ENDOD1: variants seen among roughly 807,000 people sequenced by gnomAD.
The protein encoded by ENDOD1 is endonuclease domain-containing 1 protein.
In ENDOD1, 9 loss-of-function variants were observed where a neutral mutation model predicts 6.5. The ratio of observed to expected loss-of-function variants is 1.39; its 90% CI spans 0.84 to 2.43. The LOEUF is 2.43. Among genes scored for constraint, ENDOD1 ranks in the 30% most tolerant of loss-of-function variants. ENDOD1 has a pLI of 0.00. For missense variants in ENDOD1, 648 were observed against 635.5 expected (o/e 1.02, Z -0.21); for synonymous variants, 255 against 255.2 (o/e 1.00, Z 0.01).
In ENDOD1 at chr11:95,091,697, T is replaced by G. The variant is rs1319625090; in HGVS notation, c.300+1470T>G. The stretch of plus-strand genomic sequence containing the variant: ...GATGCTAAACAAATTTCAGTTAAAT[T>G]CAGAACACATTTAGTGACTCCTGCT... On this transcript the variant is annotated intron_variant, in intron 1 of 1. Coordinates refer to ENST00000278505, the MANE Select transcript of ENDOD1 (RefSeq NM_015036.3). 6.7e-5 allele frequency among the ~76,000 whole-genome samples: 10 copies of G among 149,904 alleles called. No homozygotes were observed. In the East Asian group the frequency reaches 2.0e-3, roughly 30 times the overall value.
At chr11:95,093,016 G>A (rs1217010212) in intron 1 of ENDOD1, among the ~76,000 whole-genome samples, 1 of 152,196 alleles carries the variant, frequency 6.6e-6, no homozygotes, top group African/African-American at 2.4e-5. Context: ...CAGTGACACT[G>A]AATTCCCAAA....
chr11:95,110,648 A>G (rs1012749038), intron 1 of ENDOD1, among the ~76,000 whole-genome samples: 1 of 151,972 alleles, frequency 6.6e-6, no homozygotes, highest in African/African-American at 2.4e-5. Flanking sequence ...GTAACACATT[A>G]CAAGCCTCTC....
At chr11:95,090,925 G>T (rs1357886131) in intron 1 of ENDOD1, among the ~76,000 whole-genome samples, 6 of 152,146 alleles carry the variant, frequency 3.9e-5, no homozygotes, top group African/African-American at 1.4e-4. Context: ...ACGCAATGGG[G>T]TAGTTAAAAA....
chr11:95,102,456 G>A (rs1464595791), intron 1 of ENDOD1, among the ~76,000 whole-genome samples: 3 of 151,414 alleles, frequency 2.0e-5, no homozygotes, highest in South Asian at 2.1e-4. Context: ...TGGATCACCT[G>A]ATGTCAAGAA....
At chr11:95,096,095 A>G (rs1858980759) in intron 1 of ENDOD1, among the ~76,000 whole-genome samples, 1 of 152,190 alleles carries the variant, frequency 6.6e-6, no homozygotes, top group South Asian at 2.1e-4. Context: ...TTCTTTGGGC[A>G]TAAAATTTCT....
At chr11:95,114,093 C>T (rs917837733) in intron 1 of ENDOD1, among the ~76,000 whole-genome samples, 2 of 152,110 alleles carry the variant, frequency 1.3e-5, no homozygotes, top group African/African-American at 4.8e-5. Flanking sequence ...CTATTCAAAT[C>T]TTTTGCTCAT....
In ENDOD1 at chr11:95,097,010, G is replaced by A. The variant is rs374577979; in HGVS notation, c.300+6783G>A. Among the ~76,000 whole-genome samples, 6 of 152,050 alleles carry A rather than the reference G, an allele frequency of 3.9e-5. No homozygotes were observed. In the South Asian group the frequency reaches 8.3e-4, roughly 21 times the overall value. The stretch of plus-strand genomic sequence containing the variant: ...AAAACCCATCTCTACAAAAATTAGC[G>A]AGGAGTGCTGGCATGCACCTGTAGT... On this transcript the variant is annotated intron_variant, in intron 1 of 1. Transcript: ENST00000278505.
At chr11:95,126,626 A>G (rs1406075261) in intron 1 of ENDOD1, among the ~76,000 whole-genome samples, 2 of 152,206 alleles carry the variant, frequency 1.3e-5, no homozygotes, top group Admixed American at 1.3e-4. Flanking sequence ...TCTTTTCAAC[A>G]TTATAGCATA....
At chr11:95,115,362 T>C (rs906288504) in intron 1 of ENDOD1, among the ~76,000 whole-genome samples, 10 of 150,578 alleles carry the variant, frequency 6.6e-5, no homozygotes, top group African/African-American at 2.5e-4. Flanking sequence ...TTAACTGAAT[T>C]TGTTTATCCG....
In ENDOD1 at chr11:95,090,086, G is replaced by T; in HGVS notation, c.159G>T (p.Val53=). 6.2e-7 allele frequency: 1 copy of T among 1,600,918 alleles called. No homozygotes were observed. Among genetic ancestry groups the T allele is most frequent in the Middle Eastern group, 1.7e-4 (1 of 6,022 alleles). The stretch of plus-strand genomic sequence containing the variant: ...CGGGGCTGGCGGCCGATTCCCACGT[G>T]AAGATCTGTCAGCGCGCGGAGGGTG... The part of the protein sequence containing the change: ...PPAGLAADSH[V]KICQRAEGAE... Residue 53 remains valine (V), a synonymous_variant, in exon 1 of 2, where the codon GTG becomes GTT. Coordinates refer to ENST00000278505, the MANE Select transcript of ENDOD1 (RefSeq NM_015036.3).
At chr11:95,104,266 G>A (rs1264816518) in intron 1 of ENDOD1, among the ~76,000 whole-genome samples, 1 of 152,018 alleles carries the variant, frequency 6.6e-6, no homozygotes, top group African/African-American at 2.4e-5. Context: ...CCTGGATGTG[G>A]GGAAACCCCG....
chr11:95,105,433 A>AT (rs1449360667), intron 1 of ENDOD1, among the ~76,000 whole-genome samples: 184 of 151,984 alleles, frequency 1.2e-3, no homozygotes, highest in African/African-American at 4.3e-3. Context: ...GAATTATTCT[A>AT]TTTTTTTTAA....
chr11:95,109,332 C>T (rs1555111698), intron 1 of ENDOD1, among the ~76,000 whole-genome samples: 1 of 152,210 alleles, frequency 6.6e-6, no homozygotes, highest in African/African-American at 2.4e-5. Context: ...ACCACCTTTT[C>T]CTTGCAGCAG....
At position 95,090,166 on chromosome 11, in the gene ENDOD1, C is replaced by A; in HGVS notation, c.239C>A (p.Ala80Glu). ...CGGGACCGCATCCCCGTGTACTCCG[C>A]GTTCCGCGCCCCGCGCCCTGCGCCC... ...STRDRIPVYSAFRAPRPAPGG... is the reference protein window; with the variant it reads ...STRDRIPVYSEFRAPRPAPGG... Residue 80 changes from alanine (A) to glutamate (E), a missense_variant, in exon 1 of 2, where the codon GCG becomes GAG. Transcript: ENST00000278505. 1.4e-6 allele frequency: 2 copies of A among 1,454,164 alleles called. No homozygotes were observed. The highest frequency in any genetic ancestry group is 1.8e-6 in the Non-Finnish European group (2 of 1,089,530). 90.1% of individuals were successfully genotyped at this position (1,454,164 alleles called of 1,614,324 possible).
chr11:95,124,427 A>G (rs975766789), intron 1 of ENDOD1, among the ~76,000 whole-genome samples: 1 of 152,246 alleles, frequency 6.6e-6, no homozygotes, highest in Non-Finnish European at 1.5e-5. Context: ...CTCAATTTTA[A>G]ACACTATGTT....
At chr11:95,127,078 A>G (rs990888049) in intron 1 of ENDOD1, among the ~76,000 whole-genome samples, 1 of 152,176 alleles carries the variant, frequency 6.6e-6, no homozygotes, top group Non-Finnish European at 1.5e-5. Flanking sequence ...GGATGGTTCC[A>G]CTTGCTGCTA....
rs1165957010 is a variant in ENDOD1, at chr11:95,128,896, C to G, written c.820C>G (p.Gln274Glu). Residue 274 changes from glutamine (Q) to glutamate (E), a missense_variant, in exon 2 of 2, where the codon CAA becomes GAA. Physicochemically the swap from Gln to Glu is conservative, Grantham distance 29. Transcript: ENST00000278505. ...TCAGAACAACTGTGGTGAAACTGAG[C>G]AAGACACAGAGAAAATGAAAAAAAT... ...LFQNNCGETE[Q>E]DTEKMKKILE... 2 of 1,613,986 alleles carry G rather than the reference C, an allele frequency of 1.2e-6. No individual in the cohort carries two copies. The highest frequency in any genetic ancestry group is 1.7e-6 in the Non-Finnish European group (2 of 1,179,990).
chr11:95,094,777 C>T (rs1380175630), intron 1 of ENDOD1, among the ~76,000 whole-genome samples: 1 of 152,214 alleles, frequency 6.6e-6, no homozygotes, highest in Non-Finnish European at 1.5e-5. Context: ...GTAAGGAATG[C>T]AGTGAACAGG....
rs537637768 is a variant in ENDOD1 at position 95,124,513 on chromosome 11, G to C, written c.301-3864G>C. Among the ~76,000 whole-genome samples the C allele has an allele frequency of 3.9e-5, 6 of 151,988 alleles. No individual in the cohort carries two copies. The East Asian group carries it at 1.2e-3, about 29-fold the overall frequency. On this transcript the variant is annotated intron_variant, in intron 1 of 1. Coordinates refer to ENST00000278505, the MANE Select transcript of ENDOD1 (RefSeq NM_015036.3). ...GTAAACATGGATATGAGGTTCTGAA[G>C]AAAGCAGGGGAAGGGGAGGGAAGAT...
Sources: allele counts gnomAD v4.1 joint callset (sites outside exome capture counted in the v4.1 genomes callset), GRCh38; gene constraint gnomAD v4.1.1; transcripts MANE v1.5; gene names NCBI Gene and HGNC (gene_info 2026-07-23, HGNC 2026-07-21).